Variants in HIBCH observed in about 807,000 individuals in gnomAD.
The protein encoded by HIBCH is 3-hydroxyisobutyryl-CoA hydrolase, mitochondrial.
In HIBCH, 50 loss-of-function variants were observed where a neutral mutation model predicts 58.2. That is an observed-to-expected ratio of 0.86 (90% CI 0.68 to 1.09). The LOEUF is 1.09. HIBCH is among the 50% of genes least tolerant of loss of function. The probability of loss-of-function intolerance (pLI) is 0.00; values close to 1 mark genes in which losing one functional copy is unlikely to be tolerated. For synonymous variants in HIBCH, 151 were observed against 146.9 expected, an observed-to-expected ratio of 1.03 and a Z score of -0.20; for missense variants, 450 against 449.7, an observed-to-expected ratio of 1.00 and a Z score of -0.01.
At chr2:190,291,941 T>C (rs1037155363) in intron 4 of HIBCH, among the ~76,000 whole-genome samples, 2 of 152,222 alleles carry the variant, frequency 1.3e-5, no homozygotes, top group African/African-American at 4.8e-5. Context: ...ACATACAAAA[T>C]GTTGTCTACC....
chr2:190,294,383 G>A (rs1258175496), intron 4 of HIBCH, among the ~76,000 whole-genome samples, 163 bp downstream of exon 4: 1 of 152,086 alleles, frequency 6.6e-6, no homozygotes, highest in Non-Finnish European at 1.5e-5. Flanking sequence ...ACTAACTGCA[G>A]AAAGTAAGTC....
intron 9 of HIBCH, among the ~76,000 whole-genome samples, chr2:190,246,615 C>T (rs923227099): frequency 6.6e-6 from 1 of 152,196 alleles, no homozygotes; most frequent in African/African-American, 2.4e-5. Flanking sequence ...AGAGAAAGCA[C>T]CTCTCAAGGA....
chr2:190,294,020 G>GTATATA (rs1413194024), intron 4 of HIBCH, among the ~76,000 whole-genome samples: 3,555 of 125,326 alleles, frequency 0.028, 88 homozygotes, highest in Admixed American at 0.069. Flanking sequence ...TATATTTTGT[G>GTATATA]TGTATATATA....
intron 6 of HIBCH, among the ~76,000 whole-genome samples, chr2:190,264,921 G>C (rs571904562): frequency 3.6e-4 from 55 of 151,940 alleles, no homozygotes; most frequent in Non-Finnish European, 6.3e-4. Flanking sequence ...TCAGGAGTTC[G>C]AGATCAGCCT....
At chr2:190,199,736 A>C, downstream of HIBCH, 1 of 1,497,858 alleles carries the variant, frequency 6.7e-7, no homozygotes, top group Non-Finnish European at 8.8e-7. Flanking sequence ...GGGAACATTG[A>C]TTACTGAAGT....
chr2:190,316,355 G>A (rs1007872499), intron 1 of HIBCH, among the ~76,000 whole-genome samples: 4 of 151,730 alleles, frequency 2.6e-5, no homozygotes, highest in African/African-American at 9.7e-5. Flanking sequence ...TCAAATTCAT[G>A]GGCTGTGATC....
intron 8 of HIBCH, among the ~76,000 whole-genome samples, chr2:190,251,027 A>G (rs1041271009): frequency 1.3e-5 from 2 of 152,178 alleles, no homozygotes; most frequent in Non-Finnish European, 2.9e-5. Flanking sequence ...ATCCTTACCC[A>G]AAACAGAAGA....
Position 190,243,725 on chromosome 2 carries a change from T to G in HIBCH, c.891+1162A>C, listed in dbSNP as rs1006226474. On this transcript the variant is annotated intron_variant, in intron 11 of 13. Coordinates refer to ENST00000359678, the MANE Select transcript of HIBCH (RefSeq NM_014362.4). The surrounding 1 kb of genome is among the most constrained non-coding windows in gnomAD (Gnocchi z 4.1). Reference sequence around the variant, plus strand: ...GCTCACACCTGTAATCCCAGCACTTTGGGAAGCTGAGGTGGGTGAATCACT... The same window carrying G: ...GCTCACACCTGTAATCCCAGCACTTGGGGAAGCTGAGGTGGGTGAATCACT... 1.3e-5 allele frequency among the ~76,000 whole-genome samples: 2 copies of G among 152,134 alleles called. No individual in the cohort carries two copies. The highest frequency in any genetic ancestry group is 4.8e-5 in the African/African-American group (2 of 41,442).
intron 7 of HIBCH, among the ~76,000 whole-genome samples, chr2:190,257,984 A>C (rs1433874902): frequency 6.6e-6 from 1 of 152,080 alleles, no homozygotes; most frequent in Non-Finnish European, 1.5e-5. Context: ...CAAATTGACA[A>C]ATTTCTTGAA....
chr2:190,218,087 C>G (rs1005903657), intron 11 of HIBCH, among the ~76,000 whole-genome samples: 4 of 151,678 alleles, frequency 2.6e-5, no homozygotes, highest in African/African-American at 9.7e-5. Flanking sequence ...AAACCTCCAC[C>G]CCCACCCCCC....
intron 1 of HIBCH, among the ~76,000 whole-genome samples, chr2:190,195,006 C>G (rs1037823664): frequency 1.3e-5 from 2 of 152,016 alleles, no homozygotes; most frequent in Non-Finnish European, 2.9e-5. Flanking sequence ...AGGTGTGCAC[C>G]ACCATGCCTG....
At chr2:190,319,354 C>A (rs917734284) in intron 1 of HIBCH, among the ~76,000 whole-genome samples, 2 of 152,222 alleles carry the variant, frequency 1.3e-5, no homozygotes, top group Admixed American at 1.3e-4. Context: ...TGTGTGCTGG[C>A]TGCACAAAAC....
intron 11 of HIBCH, among the ~76,000 whole-genome samples, chr2:190,232,521 C>T (rs564461451): frequency 2.6e-5 from 4 of 152,296 alleles, no homozygotes; most frequent in Non-Finnish European, 5.9e-5. Flanking sequence ...GACTCTTAGG[C>T]GCTTACACCT....
chr2:190,219,808 G>A (rs1162039387), intron 11 of HIBCH, among the ~76,000 whole-genome samples: 1 of 152,208 alleles, frequency 6.6e-6, no homozygotes, highest in African/African-American at 2.4e-5. Context: ...TTGCAAGACT[G>A]TCATTAAAAG....
chr2:190,226,661 T>C (rs993309099), intron 11 of HIBCH, among the ~76,000 whole-genome samples: 7 of 149,728 alleles, frequency 4.7e-5, no homozygotes, highest in Admixed American at 1.3e-4. Flanking sequence ...GATGACATGA[T>C]TGTATATTTA....
intron 6 of HIBCH, among the ~76,000 whole-genome samples, chr2:190,282,935 C>T (rs1366299269): frequency 1.3e-5 from 2 of 149,812 alleles, no homozygotes; most frequent in Non-Finnish European, 3.0e-5. Flanking sequence ...CAATAAAGTA[C>T]AAACACCAAA....
rs1408503871 is a variant in HIBCH, at chr2:190,209,061, C to T, written c.1012-148G>A. ...AGAGACTGAACCACCTCTGATAGCC[C>T]ACTCTCTGATCACCACCTCCTAAAT... On this transcript the variant is annotated intron_variant, in intron 12 of 13. Coordinates refer to ENST00000359678, the MANE Select transcript of HIBCH (RefSeq NM_014362.4). The surrounding 1 kb of genome is among the most constrained non-coding windows in gnomAD (Gnocchi z 5.6). 97 of 717,340 alleles carry T rather than the reference C, an allele frequency of 1.4e-4. No homozygotes were observed. In the East Asian group the frequency reaches 2.5e-3, roughly 19 times the overall value. 44.4% of individuals were successfully genotyped at this position (717,340 alleles called of 1,614,324 possible). A position where few individuals can be genotyped will look rare whatever the true frequency, so the allele number is the denominator to read the frequency against.
intron 11 of HIBCH, among the ~76,000 whole-genome samples, chr2:190,228,963 A>C (rs1246900224): frequency 6.6e-6 from 1 of 152,188 alleles, no homozygotes; most frequent in Admixed American, 6.5e-5. Flanking sequence ...ACCCCAAAGA[A>C]CCCTTCTTTT....
intron 2 of HIBCH, among the ~76,000 whole-genome samples, chr2:190,303,029 A>G (rs1476416956): frequency 6.6e-6 from 1 of 152,206 alleles, no homozygotes; most frequent in Admixed American, 6.5e-5. Context: ...CCTGGCTCTC[A>G]CTGTCAGGAG....
Sources: gnomAD v4.1 joint callset for allele counts (sites outside exome capture counted in the v4.1 genomes callset) on GRCh38, gnomAD v4.1.1 for gene constraint, Gnocchi (gnomAD v3.1) non-coding constraint, MANE v1.5 for transcripts, NCBI Gene and HGNC (gene_info 2026-07-23, HGNC 2026-07-21) for gene names.